CALN1: variants seen among roughly 807,000 people sequenced by gnomAD.
The protein encoded by CALN1 is calneuron 1.
Under a neutral mutation model 30.6 loss-of-function variants are expected in CALN1, and 17 were observed. That is an observed-to-expected ratio of 0.56 (90% CI 0.38 to 0.83). The LOEUF is 0.83. CALN1 is among the 40% of genes least tolerant of loss of function. The pLI is 0.00. For missense variants in CALN1, 291 were observed against 354.9 expected, an observed-to-expected ratio of 0.82 and a Z score of 1.45; for synonymous variants, 156 against 131.4, an observed-to-expected ratio of 1.19 and a Z score of -1.28.
intron 2 of CALN1, among the ~76,000 whole-genome samples, chr7:72,364,956 G>A (rs998881679): frequency 6.6e-6 from 1 of 151,474 alleles, no homozygotes; most frequent in Non-Finnish European, 1.5e-5. Context: ...GATCACCTGA[G>A]GTCAGGAGTT....
At chr7:71,880,062 G>A (rs549329754) in intron 5 of CALN1, among the ~76,000 whole-genome samples, 42 of 152,174 alleles carry the variant, frequency 2.8e-4, no homozygotes, top group Non-Finnish European at 5.4e-4. Flanking sequence ...ATTAAAGCCC[G>A]GGAGTTTGAG....
chr7:72,249,885 C>T (rs1429785294), intron 3 of CALN1, among the ~76,000 whole-genome samples: 10 of 146,870 alleles, frequency 6.8e-5, no homozygotes, highest in African/African-American at 2.5e-4. Context: ...TGCAGTGAGC[C>T]AAGATCACAC....
the CALN1 span, among the ~76,000 whole-genome samples, chr7:72,464,582 C>T: frequency 7.9e-5 from 12 of 152,074 alleles, no homozygotes; most frequent in African/African-American, 2.9e-4. Context: ...TGCAGTTAAC[C>T]CTTTCTTAGA....
intron 3 of CALN1, among the ~76,000 whole-genome samples, chr7:72,248,664 G>A (rs779223435): frequency 6.6e-6 from 1 of 151,848 alleles, no homozygotes; most frequent in African/African-American, 2.4e-5. Context: ...ACATCCTAAT[G>A]TAGTCACATC....
chr7:72,256,507 A>C (rs1350925652), intron 3 of CALN1, among the ~76,000 whole-genome samples: 1 of 152,174 alleles, frequency 6.6e-6, no homozygotes, highest in Non-Finnish European at 1.5e-5. Flanking sequence ...CATACTTCTA[A>C]AAAAGATGAC....
intron 3 of CALN1, among the ~76,000 whole-genome samples, chr7:72,130,068 C>A (rs917050419): frequency 7.9e-5 from 12 of 152,234 alleles, no homozygotes; most frequent in Middle Eastern, 3.4e-3. Context: ...CACTCCCCCA[C>A]CCCCCACCAG....
rs55977265 is a variant in CALN1, at chr7:71,837,243, C to CAAAAAAA, written c.502-26758_502-26752dup. 8.8e-4 allele frequency among the ~76,000 whole-genome samples: 70 copies of CAAAAAAA among 79,116 alleles called. 1 individual carries two copies. Among genetic ancestry groups the CAAAAAAA allele is most frequent in the East Asian group, 2.1e-3 (4 of 1,896 alleles). 51.9% of individuals were successfully genotyped at this position (79,116 alleles called of 152,430 possible). Reference sequence around the variant, plus strand: ...CGAAACTCCATCTCAAAAAAAAAGACAAAAAAAAAAAAAAAAAAAAAAGCC... The same window carrying CAAAAAAA: ...CGAAACTCCATCTCAAAAAAAAAGACAAAAAAAAAAAAAAAAAAAAAAAAAAAAAGCC... On this transcript the variant is annotated intron_variant, in intron 5 of 6. Transcript: ENST00000395275.
the CALN1 span, among the ~76,000 whole-genome samples, chr7:72,477,227 AGGTGCATGCCCTGAG>A: frequency 3.5e-5 from 5 of 143,226 alleles, no homozygotes; most frequent in Non-Finnish European, 7.5e-5. Flanking sequence ...AAGAAAGAAA[AGGTGCATGCCCTGAG>A]AACATGAAAG....
chr7:72,255,244 C>G (rs185943594), intron 3 of CALN1, among the ~76,000 whole-genome samples: 8 of 151,488 alleles, frequency 5.3e-5, no homozygotes, highest in African/African-American at 1.9e-4. Context: ...CGCCACCACA[C>G]CCGGCTAATT....
chr7:72,399,994 T>C (rs1806229831), intron 2 of CALN1, among the ~76,000 whole-genome samples: 1 of 152,206 alleles, frequency 6.6e-6, no homozygotes, highest in South Asian at 2.1e-4. Context: ...TGCGTTCCAC[T>C]ATGATTAGAA....
intron 2 of CALN1, among the ~76,000 whole-genome samples, chr7:72,353,302 G>A (rs907094867): frequency 6.6e-6 from 1 of 151,828 alleles, no homozygotes; most frequent in Non-Finnish European, 1.5e-5. Context: ...AACAGAAAAT[G>A]AAAATAAATG....
At chr7:72,238,889 GA>G (rs1267217928) in intron 3 of CALN1, among the ~76,000 whole-genome samples, 1 of 152,138 alleles carries the variant, frequency 6.6e-6, no homozygotes, top group African/African-American at 2.4e-5. Flanking sequence ...CAGTGTCATA[GA>G]AAAAGAAAAG....
chr7:72,390,185 C>T (rs1262066565), intron 2 of CALN1, among the ~76,000 whole-genome samples: 1 of 152,150 alleles, frequency 6.6e-6, no homozygotes, highest in East Asian at 1.9e-4. Context: ...AATCCCAGCA[C>T]TTTGGGAGGC....
chr7:72,455,498 C>T, the CALN1 span, among the ~76,000 whole-genome samples: 2 of 151,882 alleles, frequency 1.3e-5, no homozygotes, highest in Admixed American at 6.6e-5. Context: ...CAGTGACAAA[C>T]GAGGGAGATA....
At chr7:71,827,865 A>G (rs1789023470) in intron 5 of CALN1, among the ~76,000 whole-genome samples, 1 of 152,106 alleles carries the variant, frequency 6.6e-6, no homozygotes. Context: ...AGGAACATAG[A>G]GGAGGCAAGG....
At chr7:72,384,269 G>T (rs140491107) in intron 2 of CALN1, among the ~76,000 whole-genome samples, 1 of 152,158 alleles carries the variant, frequency 6.6e-6, no homozygotes, top group Non-Finnish European at 1.5e-5. Context: ...ATGTCTGCAA[G>T]TGTGTGCATA....
At position 71,785,251 on chromosome 7, in the gene CALN1, G is replaced by C. The variant is rs770552346; in HGVS notation, c.*2524C>G. 8.0e-5 allele frequency: 14 copies of C among 174,214 alleles called. No individual in the cohort carries two copies. The highest frequency in any genetic ancestry group is 1.6e-4 in the Non-Finnish European group (13 of 82,880). The allele number at this position is 174,214 out of a possible 1,614,324, so 10.8% of individuals were successfully genotyped here. A position where few individuals can be genotyped will look rare whatever the true frequency, so the allele number is the denominator to read the frequency against. ...CTGGGGAGGGTGGGCTTGCTTCCAGGTCACTGGGAGCAAGAAGAAGGTCAC... is the reference window on the plus strand; with the variant it reads ...CTGGGGAGGGTGGGCTTGCTTCCAGCTCACTGGGAGCAAGAAGAAGGTCAC... On this transcript the variant is annotated 3_prime_UTR_variant, in exon 7 of 7. Transcript: ENST00000395275.
At chr7:71,928,999 G>A (rs772773115) in intron 5 of CALN1, among the ~76,000 whole-genome samples, 17 of 151,892 alleles carry the variant, frequency 1.1e-4, no homozygotes, top group East Asian at 5.8e-4. Flanking sequence ...TGGATTCACC[G>A]ATTTTTGATG....
chr7:72,041,391 T>A (rs1242409289), intron 4 of CALN1, among the ~76,000 whole-genome samples: 2 of 152,056 alleles, frequency 1.3e-5, no homozygotes, highest in African/African-American at 4.8e-5. Context: ...TTTTTTATTT[T>A]TTTTATTTTT....
Sources: allele counts gnomAD v4.1 joint callset (sites outside exome capture counted in the v4.1 genomes callset), GRCh38; gene constraint gnomAD v4.1.1; transcripts MANE v1.5; gene names NCBI Gene and HGNC (gene_info 2026-07-23, HGNC 2026-07-21).